Variants in ABCC9 observed in about 807,000 individuals in gnomAD.
The protein encoded by ABCC9 is ATP binding cassette subfamily C member 9.
ABCC9 carries 95 observed loss-of-function variants against 188.3 expected under a neutral mutation model. The observed-to-expected ratio is 0.50, with a 90% CI of 0.43 to 0.60. The LOEUF (loss-of-function observed/expected upper bound fraction) is 0.60. Ranked by LOEUF, ABCC9 falls within the 20% of genes least tolerant of loss-of-function variation. The pLI is 0.00. For missense variants in ABCC9, 1,102 were observed against 1,876.3 expected (o/e 0.59, Z 7.62); for synonymous variants, 659 against 652.7 (o/e 1.01, Z -0.15).
In ABCC9 at chr12:21,848,195, T is replaced by C. The variant is rs1430520210; in HGVS notation, c.2821A>G (p.Met941Val). 4 of 1,613,544 alleles carry C rather than the reference T, an allele frequency of 2.5e-6. No individual in the cohort carries two copies. Among genetic ancestry groups the C allele is most frequent in the Admixed American group, 1.7e-5 (1 of 59,972 alleles). Residue 941 changes from methionine to valine, a missense_variant, in exon 25 of 40, where the codon ATG (methionine) becomes GTG (valine). Transcript: ENST00000261200. ...TGGGCTTTGGCTTCTCTTGAATACA[T>C]GGCCCGTCGGAGAGTTTTCCTCTCT... Reference protein sequence around the residue: ...TLERKTLRRAMYSREAKAQME... With the variant: ...TLERKTLRRAVYSREAKAQME...
intron 14 of ABCC9, among the ~76,000 whole-genome samples, chr12:21,889,574 T>C (rs1947047545): frequency 6.6e-6 from 1 of 152,170 alleles, no homozygotes; most frequent in Non-Finnish European, 1.5e-5. Context: ...CACATGTCAT[T>C]CAAGGAATGT....
intron 31 of ABCC9, among the ~76,000 whole-genome samples, chr12:21,822,428 T>A (rs7136997): frequency 0.027 from 4,128 of 152,182 alleles, 192 homozygotes; most frequent in African/African-American, 0.094. Flanking sequence ...CAAAAAATAT[T>A]CAGCAAAATC....
chr12:21,925,830 C>A, intron 5 of ABCC9, 112 bp downstream of exon 5: 3 of 1,185,358 alleles, frequency 2.5e-6, no homozygotes, highest in East Asian at 4.8e-5. Flanking sequence ...CCCATACTTT[C>A]TACTCCCCAC....
intron 30 of ABCC9, among the ~76,000 whole-genome samples, chr12:21,834,772 C>T (rs1351087003): frequency 7.5e-6 from 1 of 132,970 alleles, no homozygotes; most frequent in Non-Finnish European, 1.6e-5. Context: ...ATACATATAG[C>T]ATATATAACA....
At chr12:21,829,129 A>G in intron 30 of ABCC9, 69 bp from the exon 31 acceptor site, 1 of 1,040,830 alleles carries the variant, frequency 9.6e-7, no homozygotes, top group Non-Finnish European at 1.5e-6. Context: ...CACACTTATT[A>G]CTACACTATT....
At chr12:21,828,433 C>T (rs1374720582) in intron 31 of ABCC9, 1 of 187,334 alleles carries the variant, frequency 5.3e-6, no homozygotes, top group East Asian at 1.4e-4. Context: ...AGATGAGGAA[C>T]TGGGACTAAA....
At chr12:21,839,941 A>G (rs1944297189) in intron 29 of ABCC9, among the ~76,000 whole-genome samples, 1 of 152,194 alleles carries the variant, frequency 6.6e-6, no homozygotes, top group African/African-American at 2.4e-5. Context: ...ATAGTCTGTT[A>G]TTTTTAAACA....
At chr12:21,809,397 A>AT (rs1157467762) in intron 37 of ABCC9, among the ~76,000 whole-genome samples, 3 of 152,168 alleles carry the variant, frequency 2.0e-5, no homozygotes, top group Non-Finnish European at 4.4e-5. Context: ...AATAAAAAGA[A>AT]TTTTCCCTCC....
intron 3 of ABCC9, 49 bp downstream of exon 3, chr12:21,936,484 G>A (rs374521735): frequency 3.1e-5 from 47 of 1,504,630 alleles, no homozygotes; most frequent in African/African-American, 3.1e-4. Context: ...AGCCATTAGC[G>A]AGATATATAA....
At chr12:21,882,950 T>C (rs1946693847) in intron 15 of ABCC9, 77 bp from the exon 16 acceptor site, 3 of 1,046,564 alleles carry the variant, frequency 2.9e-6, no homozygotes, top group East Asian at 4.7e-5. Context: ...TTACTCACAT[T>C]GCTACCTAAG....
At chr12:21,885,545 T>C (rs704206) in intron 15 of ABCC9, among the ~76,000 whole-genome samples, 46,582 of 151,904 alleles carry the variant, frequency 0.31, 8,533 homozygotes, top group East Asian at 0.51. Flanking sequence ...GAAAGACAAG[T>C]TCCTTGGTAG....
Position 21,806,017 on chromosome 12 carries a change from C to T in ABCC9, c.4493G>A (p.Arg1498Gln), listed in dbSNP as rs2137110050. The T allele has an allele frequency of 1.2e-6, 2 of 1,613,672 alleles. No homozygotes were observed. Among genetic ancestry groups the T allele is most frequent in the Non-Finnish European group, 1.7e-6 (2 of 1,179,818 alleles). ...QKVVMTAFAD[R>Q]TVVTIAHRVH... ...ACTTACAGCTATTGTCACCACGGTC[C>T]GGTCTGCAAAGGCTGTCATTACTAC... The change falls in exon 39 of 40, where the codon CGG becomes CAG. Residue 1498 changes from arginine (R) to glutamine (Q), a missense_variant. This residue lies in a region of ABCC9 where 40 missense variants were observed against 105.5 expected (regional missense o/e 0.38). Transcript: ENST00000261200.
rs550798428 is a variant in ABCC9, at chr12:21,854,683, G to C, written c.2506-2178C>G. 2.6e-5 allele frequency among the ~76,000 whole-genome samples: 4 copies of C among 152,220 alleles called. No individual in the cohort carries two copies. The East Asian group carries it at 5.8e-4, about 22-fold the overall frequency. ...CTTTTCAAAATCATCACAGACACTAGCTCCTTGTCATTTAGCTCCTTTTAA... is the reference window on the plus strand; with the variant it reads ...CTTTTCAAAATCATCACAGACACTACCTCCTTGTCATTTAGCTCCTTTTAA... On this transcript the variant is annotated intron_variant, in intron 22 of 39. Coordinates refer to ENST00000261200, the MANE Select transcript of ABCC9 (RefSeq NM_020297.4).
At chr12:21,918,903 T>C (rs1948702446) in intron 5 of ABCC9, among the ~76,000 whole-genome samples, 1 of 152,090 alleles carries the variant, frequency 6.6e-6, no homozygotes, top group Admixed American at 6.6e-5. Flanking sequence ...CAGTAAGATA[T>C]CTAAAAGCTT....
chr12:21,873,624 AG>A (rs748248924), intron 17 of ABCC9, among the ~76,000 whole-genome samples: 2 of 152,202 alleles, frequency 1.3e-5, no homozygotes, highest in Non-Finnish European at 2.9e-5. Context: ...TTAAGAAAGC[AG>A]AGCAAAGCTG....
chr12:21,802,016 A>G (rs929577769), intron 39 of ABCC9, among the ~76,000 whole-genome samples: 2 of 152,204 alleles, frequency 1.3e-5, no homozygotes, highest in Non-Finnish European at 2.9e-5. Context: ...TAACTGTTTC[A>G]TAAGGCTCTC....
chr12:21,921,519 G>A (rs555006971), intron 5 of ABCC9, among the ~76,000 whole-genome samples: 1 of 152,026 alleles, frequency 6.6e-6, no homozygotes, highest in Non-Finnish European at 1.5e-5. Context: ...CCATTCTGTA[G>A]ATTGTGTCTT....
At chr12:21,913,675 A>C (rs1948421024) in intron 7 of ABCC9, among the ~76,000 whole-genome samples, 1 of 152,198 alleles carries the variant, frequency 6.6e-6, no homozygotes, top group African/African-American at 2.4e-5. Flanking sequence ...AAGAAATGCA[A>C]AATGAAGAAC....
chr12:21,803,421 G>A lies in ABCC9; in HGVS notation c.4513-2240C>T, dbSNP rs139873417. ...ACCTGTAATCCCAGCTCTTTGGGAG[G>A]GCGAGGCGGGCGGATCACAAGGTCA... On this transcript the variant is annotated intron_variant, in intron 39 of 39. Transcript: ENST00000261200. Among the ~76,000 whole-genome samples the A allele has an allele frequency of 5.8e-3, 879 of 152,066 alleles. 12 individuals carry two copies. The highest frequency in any genetic ancestry group is 0.02 in the African/African-American group (823 of 41,508).
Sources: allele counts gnomAD v4.1 joint callset (sites outside exome capture counted in the v4.1 genomes callset), GRCh38; gene constraint gnomAD v4.1.1; regional missense constraint gnomAD v4.1.1; transcripts MANE v1.5; gene names NCBI Gene and HGNC (gene_info 2026-07-23, HGNC 2026-07-21).